SAMD4B: variants seen among roughly 807,000 people sequenced by gnomAD.
SAMD4B encodes sterile alpha motif domain containing 4B.
In SAMD4B, 5 loss-of-function variants were observed where a neutral mutation model predicts 74.5. The observed-to-expected ratio is 0.07, with a 90% CI of 0.04 to 0.14. The LOEUF (loss-of-function observed/expected upper bound fraction) is 0.14, where lower values mean the gene tolerates loss of function less well. SAMD4B is among the 10% of genes least tolerant of loss of function. The probability of loss-of-function intolerance (pLI) is 1.00; values close to 1 mark genes in which losing one functional copy is unlikely to be tolerated. For synonymous variants in SAMD4B, 373 were observed against 374.9 expected (o/e 1.00, Z 0.06); for missense variants, 608 against 921.8 (o/e 0.66, Z 4.41).
chr19:39,386,198 A>G, downstream of SAMD4B: 1 of 1,614,178 alleles, frequency 6.2e-7, no homozygotes. This position sits in a 1 kb window ranked among gnomAD's most constrained non-coding sequence, Gnocchi z 6.1. Context: ...CAGAGTCGGC[A>G]TCGTCCTCAG....
rs73547923 is a variant in SAMD4B, at chr19:39,381,227, A to G, written c.1972+114A>G. Reference sequence around the variant, plus strand: ...CTAGACTGCATTGGCACCTCTCCCCATACCTCACACCACTCTGCACCCATC... The same window carrying G: ...CTAGACTGCATTGGCACCTCTCCCCGTACCTCACACCACTCTGCACCCATC... On this transcript the variant is annotated intron_variant, in intron 12 of 13. Coordinates refer to ENST00000610417, the MANE Select transcript of SAMD4B (RefSeq NM_001384574.2). The G allele has an allele frequency of 1.2e-3, 1,517 of 1,267,620 alleles. 15 individuals are homozygous for G. In the African/African-American group the frequency reaches 0.021, roughly 17 times the overall value. The allele number at this position is 1,267,620 out of a possible 1,614,324, so 78.5% of individuals were successfully genotyped here. A position where few individuals can be genotyped will look rare whatever the true frequency, so the allele number is the denominator to read the frequency against.
At chr19:39,364,512 G>C (rs547774332) in intron 3 of SAMD4B, among the ~76,000 whole-genome samples, 4 of 152,268 alleles carry the variant, frequency 2.6e-5, no homozygotes, top group African/African-American at 9.6e-5. Context: ...ATACTGCCCA[G>C]GCCACTGTGT....
chr19:39,362,212 TA>T (rs1362215825), intron 3 of SAMD4B, among the ~76,000 whole-genome samples: 1 of 152,192 alleles, frequency 6.6e-6, no homozygotes, highest in Non-Finnish European at 1.5e-5. Flanking sequence ...TTTCTAAAAA[TA>T]ATGTGAAGCC....
chr19:39,363,296 C>T (rs992692537), intron 3 of SAMD4B, among the ~76,000 whole-genome samples: 1 of 152,164 alleles, frequency 6.6e-6, no homozygotes, highest in African/African-American at 2.4e-5. Context: ...TGAGAAGCAG[C>T]CGTTGGTGTC....
At chr19:39,349,311 G>C (rs1253959042) in intron 1 of SAMD4B, among the ~76,000 whole-genome samples, 4 of 152,158 alleles carry the variant, frequency 2.6e-5, no homozygotes, top group Non-Finnish European at 5.9e-5. Context: ...CAAGTGTAAA[G>C]AAGGGAAAGG....
chr19:39,342,754 C>A (rs1442434843), intron 1 of SAMD4B, among the ~76,000 whole-genome samples, 178 bp downstream of exon 1: 3 of 151,412 alleles, frequency 2.0e-5, no homozygotes, highest in African/African-American at 7.3e-5. Context: ...CGGGAGAAGC[C>A]CCGCGCCCGT....
At chr19:39,369,559 A>T in intron 3 of SAMD4B, 96 bp from the exon 4 acceptor site, 1 of 931,582 alleles carries the variant, frequency 1.1e-6, no homozygotes, top group Non-Finnish European at 1.6e-6. Context: ...TGAAAAGAAG[A>T]TTGGAGCTGA....
At chr19:39,366,313 C>A (rs190139994) in intron 3 of SAMD4B, among the ~76,000 whole-genome samples, 3,162 of 149,934 alleles carry the variant, frequency 0.021, 50 homozygotes, top group Middle Eastern at 0.041. Flanking sequence ...GAGACTCCAT[C>A]AAAAAAAAAT....
At position 39,378,996 on chromosome 19, in the gene SAMD4B, A is replaced by G. The variant is rs894097991; in HGVS notation, c.1530+407A>G. Among the ~76,000 whole-genome samples the G allele has an allele frequency of 6.6e-6, 1 of 151,124 alleles. No individual in the cohort carries two copies. Reference sequence around the variant, plus strand: ...AGCCCTTCCAGTCTTGTATCTTACCAGTGTTGGCTTTAGAGGCTTCTTCTC... The same window carrying G: ...AGCCCTTCCAGTCTTGTATCTTACCGGTGTTGGCTTTAGAGGCTTCTTCTC... On this transcript the variant is annotated intron_variant, in intron 9 of 13. Coordinates refer to ENST00000610417, the MANE Select transcript of SAMD4B (RefSeq NM_001384574.2). This position sits in a 1 kb window ranked among gnomAD's most constrained non-coding sequence, Gnocchi z 4.4.
downstream of SAMD4B, chr19:39,388,216 C>A (rs1417297947): frequency 1.1e-6 from 1 of 903,602 alleles, no homozygotes; most frequent in Non-Finnish European, 1.8e-6. Flanking sequence ...ACATCTGCTG[C>A]TCTTGTTTAC....
chr19:39,377,215 T>C (rs148285461), intron 7 of SAMD4B, among the ~76,000 whole-genome samples: 68 of 152,356 alleles, frequency 4.5e-4, no homozygotes, highest in African/African-American at 1.6e-3. Flanking sequence ...TGTCTAGGTC[T>C]GAATCTCTGA....
chr19:39,346,580 C>T (rs187570894), intron 1 of SAMD4B, among the ~76,000 whole-genome samples: 1 of 152,278 alleles, frequency 6.6e-6, no homozygotes, highest in Non-Finnish European at 1.5e-5. Context: ...AGTTTACCTA[C>T]CCTATGAGGT....
downstream of SAMD4B, chr19:39,389,294 T>G: frequency 6.2e-7 from 1 of 1,612,874 alleles, no homozygotes; most frequent in Non-Finnish European, 8.5e-7. This position sits in a 1 kb window ranked among gnomAD's most constrained non-coding sequence, Gnocchi z 5.3. Flanking sequence ...GACCTCAGGC[T>G]TCTCATTGGA....
At chr19:39,389,021 G>A, downstream of SAMD4B, 1 of 1,614,030 alleles carries the variant, frequency 6.2e-7, no homozygotes, top group East Asian at 2.2e-5. This position sits in a 1 kb window ranked among gnomAD's most constrained non-coding sequence, Gnocchi z 5.3. Context: ...GAGATCTGGT[G>A]GAACAAAAAC....
chr19:39,357,920 C>T (rs757080767), intron 3 of SAMD4B, among the ~76,000 whole-genome samples: 1 of 152,200 alleles, frequency 6.6e-6, no homozygotes, highest in Non-Finnish European at 1.5e-5. Flanking sequence ...AATAATAGTT[C>T]ATATTGAGCC....
chr19:39,368,771 T>G (rs556024565), intron 3 of SAMD4B, among the ~76,000 whole-genome samples: 6 of 152,378 alleles, frequency 3.9e-5, no homozygotes, highest in African/African-American at 1.4e-4. Context: ...GCTAGCTCAT[T>G]GAATCTCAAA....
chr19:39,348,153 G>C (rs560770582), intron 1 of SAMD4B: 1 of 152,304 alleles, frequency 6.6e-6, no homozygotes, highest in South Asian at 2.1e-4. Context: ...GCAGAAAAAG[G>C]ACCTCTGCAA....
intron 12 of SAMD4B, among the ~76,000 whole-genome samples, chr19:39,382,036 C>G (rs2078024450): frequency 6.6e-6 from 1 of 152,184 alleles, no homozygotes; most frequent in Non-Finnish European, 1.5e-5. Context: ...ACGGTGCTGG[C>G]CACTGGGGCT....
At position 39,384,638 on chromosome 19, in the gene SAMD4B, G is replaced by C. The variant is rs545535649; in HGVS notation, c.*1111G>C. 6.6e-5 allele frequency: 10 copies of C among 152,602 alleles called. No individual in the cohort carries two copies. In the East Asian group the frequency reaches 1.7e-3, roughly 27 times the overall value. 9.5% of individuals were successfully genotyped at this position (152,602 alleles called of 1,614,324 possible). A position where few individuals can be genotyped will look rare whatever the true frequency, so the allele number is the denominator to read the frequency against. ...GCCCCAGAGTCCGACAGACTGTCTG[G>C]TCCCTATTCCTAATGAGGGGTTGTG... On this transcript the variant is annotated 3_prime_UTR_variant, in exon 14 of 14. Coordinates refer to ENST00000610417, the MANE Select transcript of SAMD4B (RefSeq NM_001384574.2).
Sources: gnomAD v4.1 joint callset for allele counts (sites outside exome capture counted in the v4.1 genomes callset) on GRCh38, gnomAD v4.1.1 for gene constraint, Gnocchi (gnomAD v3.1) non-coding constraint, MANE v1.5 for transcripts, NCBI Gene and HGNC (gene_info 2026-07-23, HGNC 2026-07-21) for gene names.